RAB10: variants seen among roughly 807,000 people sequenced by gnomAD.
The protein encoded by RAB10 is ras-related protein Rab-10.
A neutral mutation model predicts 25.7 loss-of-function variants in RAB10; 5 were observed. That is an observed-to-expected ratio of 0.19 (90% confidence interval 0.10 to 0.41). The LOEUF (loss-of-function observed/expected upper bound fraction) is 0.41, where lower values mean the gene tolerates loss of function less well. Among genes scored for constraint, RAB10 ranks in the 10% least tolerant of loss-of-function variants. RAB10 has a pLI of 1.00. For synonymous variants in RAB10, 89 were observed against 86.4 expected, an observed-to-expected ratio of 1.03 and a Z score of -0.16; for missense variants, 103 against 245.8, an observed-to-expected ratio of 0.42 and a Z score of 3.89.
At chr2:26,054,088 C>T (rs1302552949) in intron 1 of RAB10, among the ~76,000 whole-genome samples, 1 of 146,196 alleles carries the variant, frequency 6.8e-6, no homozygotes, top group African/African-American at 2.6e-5. Flanking sequence ...TGCTCTGTCG[C>T]CCAGGGTGGA....
intron 1 of RAB10, among the ~76,000 whole-genome samples, chr2:26,086,015 AAAG>A (rs1190162458): frequency 3.6e-4 from 42 of 118,186 alleles, no homozygotes; most frequent in African/African-American, 9.7e-4. Context: ...AAAAAAAAAA[AAAG>A]GGGGGGGGCA....
At chr2:26,109,995 T>C (rs1667537808) in intron 3 of RAB10, 89 bp downstream of exon 3, 1 of 1,306,982 alleles carries the variant, frequency 7.7e-7, no homozygotes, top group Non-Finnish European at 1.0e-6. Context: ...ATCTTCAGGA[T>C]ATAATGTACT....
intron 1 of RAB10, among the ~76,000 whole-genome samples, chr2:26,097,377 G>T (rs1667244713): frequency 6.6e-6 from 1 of 152,148 alleles, no homozygotes; most frequent in Non-Finnish European, 1.5e-5. Context: ...GGGTTCAAGT[G>T]ATTCTTCTGC....
intron 3 of RAB10, among the ~76,000 whole-genome samples, chr2:26,122,451 AC>A (rs1408778051): frequency 6.6e-6 from 1 of 151,798 alleles, no homozygotes; most frequent in Non-Finnish European, 1.5e-5. Context: ...ACACGTTGAA[AC>A]CCCGTCTCTA....
In RAB10 at chr2:26,136,986, T is replaced by C. The variant is rs1668125164; in HGVS notation, c.*1965T>C. ...CCTACTGTTGTTAGATTAATGTATT[T>C]GTTGCTTCCCTTTATCTGGAATGTG... On this transcript the variant is annotated 3_prime_UTR_variant, in exon 6 of 6. Coordinates refer to ENST00000264710, the MANE Select transcript of RAB10 (RefSeq NM_016131.5). 2.0e-5 allele frequency: 3 copies of C among 152,680 alleles called. No individual in the cohort carries two copies. Among genetic ancestry groups the C allele is most frequent in the African/African-American group, 7.2e-5 (3 of 41,472 alleles). The allele number at this position is 152,680 out of a possible 1,614,324, so 9.5% of individuals were successfully genotyped here.
At chr2:26,100,554 G>A (rs1188636523) in intron 2 of RAB10, among the ~76,000 whole-genome samples, 2 of 152,308 alleles carry the variant, frequency 1.3e-5, no homozygotes, top group African/African-American at 4.8e-5. Flanking sequence ...TGGGGTTGGG[G>A]AAGCTGTGTA....
At chr2:26,093,366 C>A (rs1667148266) in intron 1 of RAB10, among the ~76,000 whole-genome samples, 1 of 152,046 alleles carries the variant, frequency 6.6e-6, no homozygotes, top group African/African-American at 2.4e-5. Flanking sequence ...TACTATCATC[C>A]ATCTGCCATG....
chr2:26,127,722 A>C, intron 4 of RAB10, 128 bp from the exon 5 acceptor site: 1 of 626,156 alleles, frequency 1.6e-6, no homozygotes, highest in Non-Finnish European at 2.8e-6. Flanking sequence ...ACTTGCTGAA[A>C]TATTCTGTGT....
At chr2:26,111,756 A>G (rs1287522562) in intron 3 of RAB10, among the ~76,000 whole-genome samples, 1 of 152,170 alleles carries the variant, frequency 6.6e-6, no homozygotes, top group Non-Finnish European at 1.5e-5. Flanking sequence ...CTCTGATTCT[A>G]CCACATGAAC....
At chr2:26,069,589 C>A (rs184590265) in intron 1 of RAB10, among the ~76,000 whole-genome samples, 4,022 of 151,950 alleles carry the variant, frequency 0.026, 81 homozygotes, top group Non-Finnish European at 0.036. Context: ...TCACTTGAAC[C>A]CAGGAAGTGG....
chr2:26,036,141 A>G (rs1665759916), intron 1 of RAB10, among the ~76,000 whole-genome samples: 1 of 152,334 alleles, frequency 6.6e-6, no homozygotes, highest in East Asian at 1.9e-4. Context: ...GTAGCTGGCT[A>G]GGGTTAGGTG....
At chr2:26,111,922 T>G (rs1440926011) in intron 3 of RAB10, among the ~76,000 whole-genome samples, 2 of 152,198 alleles carry the variant, frequency 1.3e-5, no homozygotes, top group Non-Finnish European at 2.9e-5. Context: ...CTGCCTTCTG[T>G]CCAAGCTGGC....
At chr2:26,124,417 T>TTTTTTTTTTTTG (rs1667867053) in intron 3 of RAB10, among the ~76,000 whole-genome samples, 6 of 119,590 alleles carry the variant, frequency 5.0e-5, no homozygotes, top group South Asian at 5.7e-4. Flanking sequence ...TTTTTTTTTT[T>TTTTTTTTTTTTG]GAGACAGGTT....
rs968502228 is a variant in RAB10 at position 26,135,339 on chromosome 2, T to C, written c.*318T>C. 4.6e-6 allele frequency: 1 copy of C among 216,764 alleles called. No homozygotes were observed. The highest frequency in any genetic ancestry group is 9.1e-6 in the Non-Finnish European group (1 of 110,488). The allele number at this position is 216,764 out of a possible 1,614,324, so 13.4% of individuals were successfully genotyped here. A position where few individuals can be genotyped will look rare whatever the true frequency, so the allele number is the denominator to read the frequency against. ...AAACCTATAGCAATCATTTCAAATC[T>C]ATTCTGCAAATTGTATAAGAATAAA... is the stretch of plus-strand genomic sequence containing the variant. On this transcript the variant is annotated 3_prime_UTR_variant, in exon 6 of 6. Transcript: ENST00000264710.
At chr2:26,063,517 T>G (rs948456441) in intron 1 of RAB10, among the ~76,000 whole-genome samples, 1 of 152,196 alleles carries the variant, frequency 6.6e-6, no homozygotes, top group Non-Finnish European at 1.5e-5. Context: ...AGCATGTACC[T>G]CTTCAAAACA....
chr2:26,088,652 C>T (rs893772942), intron 1 of RAB10, among the ~76,000 whole-genome samples: 6 of 152,072 alleles, frequency 3.9e-5, no homozygotes, highest in Admixed American at 6.6e-5. Flanking sequence ...CTTGCTCTGT[C>T]GCCCAGGCTG....
intron 1 of RAB10, among the ~76,000 whole-genome samples, chr2:26,043,015 G>A (rs1392550255): frequency 1.3e-5 from 2 of 152,176 alleles, no homozygotes; most frequent in Non-Finnish European, 1.5e-5. Context: ...TGGTGGGAAT[G>A]TGAAATGGTG....
intron 3 of RAB10, among the ~76,000 whole-genome samples, chr2:26,112,806 C>T (rs576474733): frequency 1.3e-5 from 2 of 152,042 alleles, no homozygotes; most frequent in Admixed American, 6.6e-5. Flanking sequence ...CTTGGCCAGG[C>T]GCAGTGGCTC....
chr2:26,051,927 C>T (rs1398063830), intron 1 of RAB10, among the ~76,000 whole-genome samples: 2 of 144,988 alleles, frequency 1.4e-5, no homozygotes, highest in African/African-American at 5.1e-5. Flanking sequence ...CATGGTGGCA[C>T]GCACCTGTAA....
Sources: allele counts gnomAD v4.1 joint callset (sites outside exome capture counted in the v4.1 genomes callset), GRCh38; gene constraint gnomAD v4.1.1; transcripts MANE v1.5; gene names NCBI Gene and HGNC (gene_info 2026-07-23, HGNC 2026-07-21).